LEKR1: variants seen among roughly 807,000 people sequenced by gnomAD.
LEKR1 encodes the protein protein LEKR1.
In LEKR1, 59 loss-of-function variants were observed where a neutral mutation model predicts 72.4. The ratio of observed to expected loss-of-function variants is 0.82; its 90% CI spans 0.66 to 1.01. LEKR1 has a LOEUF of 1.01. Ranked by LOEUF, LEKR1 falls within the 50% of genes least tolerant of loss-of-function variation. The pLI is 0.00. For synonymous variants in LEKR1, 257 were observed against 263.2 expected (o/e 0.98, Z 0.23); for missense variants, 728 against 759.2 (o/e 0.96, Z 0.48).
chr3:156,875,368 G>A (rs1037653366), intron 3 of LEKR1, among the ~76,000 whole-genome samples: 3 of 151,884 alleles, frequency 2.0e-5, no homozygotes, highest in Non-Finnish European at 4.4e-5. Flanking sequence ...TTTTTGATGG[G>A]GTTATTTGTT....
intron 5 of LEKR1, among the ~76,000 whole-genome samples, chr3:156,940,071 T>G (rs1726064422): frequency 6.6e-6 from 1 of 152,130 alleles, no homozygotes; most frequent in Non-Finnish European, 1.5e-5. Context: ...AAACACATAT[T>G]CAGGATCTTC....
chr3:156,887,622 A>G (rs1308722308), intron 3 of LEKR1, among the ~76,000 whole-genome samples: 2 of 151,700 alleles, frequency 1.3e-5, no homozygotes, highest in Non-Finnish European at 2.9e-5. Context: ...TTCCCTGGTA[A>G]TTGCTCAGGA....
intron 6 of LEKR1, among the ~76,000 whole-genome samples, chr3:156,965,305 C>A (rs1728469806): frequency 6.6e-6 from 1 of 152,026 alleles, no homozygotes. Flanking sequence ...CTATAAATTA[C>A]AATTATCTTC....
intron 5 of LEKR1, among the ~76,000 whole-genome samples, chr3:156,938,142 AACACAC>A (rs139273691): frequency 6.7e-6 from 1 of 149,608 alleles, no homozygotes; most frequent in Non-Finnish European, 1.5e-5. Context: ...ATGGAACTGT[AACACAC>A]ACACACACAC....
intron 9 of LEKR1, among the ~76,000 whole-genome samples, chr3:157,001,555 A>G (rs1732014762): frequency 6.6e-6 from 1 of 152,200 alleles, no homozygotes. Context: ...TTGGTCCAAT[A>G]ATTTAATAAA....
chr3:156,856,121 C>G (rs550967668), intron 3 of LEKR1, among the ~76,000 whole-genome samples: 2 of 152,244 alleles, frequency 1.3e-5, no homozygotes, highest in South Asian at 4.1e-4. Context: ...GCTTTTTAAT[C>G]TATTTAGTAT....
Position 156,969,991 on chromosome 3 carries a change from C to T in LEKR1, c.746-9203C>T, listed in dbSNP as rs554648682. Reference sequence around the variant, plus strand: ...ACATATGCAAATCAATAAACATAATCCAGCATATAAACAGAACCAATGACA... The same window carrying T: ...ACATATGCAAATCAATAAACATAATTCAGCATATAAACAGAACCAATGACA... On this transcript the variant is annotated intron_variant, in intron 6 of 12. Transcript: ENST00000356539. Among the ~76,000 whole-genome samples the T allele has an allele frequency of 9.5e-3, 1,452 of 152,214 alleles. 11 individuals are homozygous for T. The highest frequency in any genetic ancestry group is 0.016 in the Non-Finnish European group (1,067 of 67,994).
chr3:157,023,509 G>A (rs930192221), intron 10 of LEKR1, among the ~76,000 whole-genome samples: 1 of 152,170 alleles, frequency 6.6e-6, no homozygotes, highest in African/African-American at 2.4e-5. Flanking sequence ...TTAGTATGGA[G>A]TCAGTAGTAG....
chr3:156,968,503 C>G (rs1169264663), intron 6 of LEKR1, among the ~76,000 whole-genome samples: 1 of 152,060 alleles, frequency 6.6e-6, no homozygotes, highest in African/African-American at 2.4e-5. Context: ...AAACTTTAAA[C>G]CAACAAAGAT....
At chr3:156,840,690 C>T (rs1032831244) in intron 2 of LEKR1, among the ~76,000 whole-genome samples, 1 of 152,210 alleles carries the variant, frequency 6.6e-6, no homozygotes, top group Non-Finnish European at 1.5e-5. Flanking sequence ...GCTGCCTGCC[C>T]TTCAGATTTA....
At chr3:156,907,840 CT>C (rs1052142798) in intron 3 of LEKR1, among the ~76,000 whole-genome samples, 4 of 151,426 alleles carry the variant, frequency 2.6e-5, no homozygotes, top group Admixed American at 6.6e-5. Context: ...TCAATAATAT[CT>C]TTTTTTTTCC....
chr3:156,899,815 C>T (rs1015127416), intron 3 of LEKR1, among the ~76,000 whole-genome samples: 8 of 148,144 alleles, frequency 5.4e-5, no homozygotes, highest in South Asian at 2.1e-4. Flanking sequence ...TACATATGTA[C>T]GTATATATGT....
chr3:156,947,871 C>G (rs886891174), intron 6 of LEKR1, among the ~76,000 whole-genome samples: 2 of 151,112 alleles, frequency 1.3e-5, no homozygotes, highest in Non-Finnish European at 3.0e-5. Context: ...TATTTGCAGA[C>G]AGTTAGTCTT....
At chr3:156,862,361 A>T (rs183609784) in intron 3 of LEKR1, among the ~76,000 whole-genome samples, 15 of 152,194 alleles carry the variant, frequency 9.9e-5, no homozygotes, top group Admixed American at 7.9e-4. Flanking sequence ...TTTTATTGGC[A>T]TAAACATAGT....
intron 6 of LEKR1, among the ~76,000 whole-genome samples, chr3:156,960,271 A>T (rs1305580419): frequency 6.6e-5 from 10 of 151,848 alleles, no homozygotes; most frequent in Non-Finnish European, 4.4e-5. Context: ...CAAGTATATG[A>T]TTTTTGTTTG....
At chr3:156,859,258 G>C (rs1037331469) in intron 3 of LEKR1, among the ~76,000 whole-genome samples, 1 of 152,036 alleles carries the variant, frequency 6.6e-6, no homozygotes, top group Non-Finnish European at 1.5e-5. Context: ...GGATTTATCA[G>C]TTTCTGTCTA....
chr3:156,961,953 C>A (rs1475288614), intron 6 of LEKR1, among the ~76,000 whole-genome samples: 3 of 152,174 alleles, frequency 2.0e-5, no homozygotes, highest in Admixed American at 2.0e-4. Context: ...ATTCAAATTT[C>A]TTTAAATACT....
chr3:156,967,184 A>G (rs934273919), intron 6 of LEKR1, among the ~76,000 whole-genome samples: 2 of 152,348 alleles, frequency 1.3e-5, no homozygotes, highest in South Asian at 2.1e-4. Context: ...GGGAAAAAAC[A>G]GAGCAGAAAA....
At position 156,947,083 on chromosome 3, in the gene LEKR1, A is replaced by T. The variant is rs80284350; in HGVS notation, c.745+4369A>T. Among the ~76,000 whole-genome samples the T allele has an allele frequency of 2.2e-3, 329 of 149,134 alleles. 1 individual carries two copies. The highest frequency in any genetic ancestry group is 7.8e-3 in the African/African-American group (317 of 40,780). ...AGGAGACCAACTTTTCATTTTGTTGATCTTTTGTATTGTTTTCTTCAGTCT... is the reference window on the plus strand; with the variant it reads ...AGGAGACCAACTTTTCATTTTGTTGTTCTTTTGTATTGTTTTCTTCAGTCT... On this transcript the variant is annotated intron_variant, in intron 6 of 12. Coordinates refer to ENST00000356539, the MANE Select transcript of LEKR1 (RefSeq NM_001004316.3).
Sources: allele counts gnomAD v4.1 joint callset (sites outside exome capture counted in the v4.1 genomes callset), GRCh38; gene constraint gnomAD v4.1.1; transcripts MANE v1.5; gene names NCBI Gene and HGNC (gene_info 2026-07-23, HGNC 2026-07-21).